Variants in ANO10 observed in about 807,000 individuals in gnomAD.
The protein encoded by ANO10 is anoctamin 10.
ANO10 carries 77 observed loss-of-function variants against 74.7 expected under a neutral mutation model. That is an observed-to-expected ratio of 1.03 (90% CI 0.86 to 1.25). The LOEUF is 1.25. Among genes scored for constraint, ANO10 ranks in the 50% most tolerant of loss-of-function variants. The pLI, the probability that ANO10 is intolerant of heterozygous loss-of-function variation, is 0.00. For missense variants in ANO10, 721 were observed against 778.1 expected (o/e 0.93, Z 0.87); for synonymous variants, 279 against 284.9 (o/e 0.98, Z 0.21).
intron 1 of ANO10, among the ~76,000 whole-genome samples, chr3:43,662,685 T>C (rs1412227917): frequency 9.2e-5 from 14 of 151,354 alleles, no homozygotes; most frequent in Non-Finnish European, 1.8e-4. Flanking sequence ...ATCAAATAGA[T>C]GCAATAAAAA....
chr3:43,585,732 G>C (rs779022999), intron 4 of ANO10, among the ~76,000 whole-genome samples: 10 of 152,142 alleles, frequency 6.6e-5, no homozygotes, highest in Non-Finnish European at 1.2e-4. Context: ...AGTCTGCTTT[G>C]TATTTTATTG....
At chr3:43,513,820 T>C (rs764087263) in intron 11 of ANO10, among the ~76,000 whole-genome samples, 3 of 151,990 alleles carry the variant, frequency 2.0e-5, no homozygotes, top group African/African-American at 4.8e-5. Flanking sequence ...CACACACTTC[T>C]ATGATTTAAA....
In ANO10 at chr3:43,501,166, T is replaced by C. The variant is rs1156953760; in HGVS notation, c.1797+48554A>G. Among the ~76,000 whole-genome samples the C allele has an allele frequency of 2.6e-5, 4 of 152,140 alleles. No homozygotes were observed. In the East Asian group the frequency reaches 7.7e-4, roughly 29 times the overall value. ...CCAGCATCTCCATCTGGTGGGAGCCTCAGGCTGCTTCCACTCATGATGGAA... is the reference window on the plus strand; with the variant it reads ...CCAGCATCTCCATCTGGTGGGAGCCCCAGGCTGCTTCCACTCATGATGGAA... On this transcript the variant is annotated intron_variant, in intron 11 of 12. Transcript: ENST00000292246.
intron 11 of ANO10, among the ~76,000 whole-genome samples, chr3:43,527,718 A>G (rs2078270135): frequency 6.6e-6 from 1 of 152,234 alleles, no homozygotes. Context: ...GTGGCAAGTC[A>G]AGTCAGACAC....
rs2092555128 is a variant in ANO10, at chr3:43,405,182, C to T, written c.1914+27429G>A. 2.6e-5 allele frequency among the ~76,000 whole-genome samples: 4 copies of T among 152,150 alleles called. 1 individual carries two copies. The South Asian group carries it at 8.3e-4, about 31-fold the overall frequency. On this transcript the variant is annotated intron_variant, in intron 12 of 12. Coordinates refer to ENST00000292246, the MANE Select transcript of ANO10 (RefSeq NM_018075.5). ...TGCCTAGCTTTTCTGGCAAATTATTCCTAGTTCTGCAGGATTTTGGTGACT... is the reference window on the plus strand; with the variant it reads ...TGCCTAGCTTTTCTGGCAAATTATTTCTAGTTCTGCAGGATTTTGGTGACT...
intron 4 of ANO10, among the ~76,000 whole-genome samples, chr3:43,582,029 C>T (rs1381929753): frequency 6.6e-6 from 1 of 152,052 alleles, no homozygotes; most frequent in African/African-American, 2.4e-5. Context: ...GGTTTATCAG[C>T]TCAAGTCTTC....
chr3:43,401,914 C>T (rs1414174855), intron 12 of ANO10, among the ~76,000 whole-genome samples: 3 of 152,200 alleles, frequency 2.0e-5, no homozygotes, highest in Non-Finnish European at 2.9e-5. Context: ...TGTAGTCACT[C>T]AAGGGAGTGG....
intron 12 of ANO10, among the ~76,000 whole-genome samples, chr3:43,403,946 C>T (rs1211925417): frequency 6.6e-6 from 1 of 152,140 alleles, no homozygotes; most frequent in Non-Finnish European, 1.5e-5. Context: ...CCCTCCCCTC[C>T]TGGAGTATAA....
rs541200901 is a variant in ANO10, at chr3:43,393,306, G to A, written c.1915-26332C>T. On this transcript the variant is annotated intron_variant, in intron 12 of 12. Transcript: ENST00000292246. ...CCCCAGAGCATGGCTCTGGAGCCTC[G>A]GAAAACCAAGATTGGTTTTGATTGA... Among the ~76,000 whole-genome samples, 188 of 152,160 alleles carry A rather than the reference G, an allele frequency of 1.2e-3. 1 individual carries two copies. The highest frequency in any genetic ancestry group is 4.0e-3 in the African/African-American group (164 of 41,496).
intron 11 of ANO10, among the ~76,000 whole-genome samples, chr3:43,471,381 C>T (rs1018520592): frequency 6.6e-6 from 1 of 152,096 alleles, no homozygotes; most frequent in African/African-American, 2.4e-5. Context: ...ATGGAATATT[C>T]CTTGCAAGTC....
Position 43,586,815 on chromosome 3 carries a change from G to C in ANO10, c.473-6343C>G, listed in dbSNP as rs2081502398. 1.3e-5 allele frequency among the ~76,000 whole-genome samples: 2 copies of C among 152,088 alleles called. 1 individual carries two copies. Among genetic ancestry groups the C allele is most frequent in the African/African-American group, 4.8e-5 (2 of 41,504 alleles). On this transcript the variant is annotated intron_variant, in intron 4 of 12. Coordinates refer to ENST00000292246, the MANE Select transcript of ANO10 (RefSeq NM_018075.5). ...GAGAGAGCTCAGAGAAGCAATGCAA[G>C]AGAAAAATAAATCTGTTACAGATTC...
At position 43,614,771 on chromosome 3, in the gene ANO10, CTATATATATATATATA is replaced by C. The variant is rs61084802; in HGVS notation, c.-12+7122_-12+7137del. Among the ~76,000 whole-genome samples, 12 of 52,700 alleles carry C rather than the reference CTATATATATATATATA, an allele frequency of 2.3e-4. 3 individuals are homozygous for C. Among genetic ancestry groups the C allele is most frequent in the South Asian group, 1.1e-3 (1 of 938 alleles). The allele number at this position is 52,700 out of a possible 152,430, so 34.6% of individuals were successfully genotyped here. On this transcript the variant is annotated intron_variant, in intron 1 of 12. Coordinates refer to ENST00000292246, the MANE Select transcript of ANO10 (RefSeq NM_018075.5). ...CCCAAATTCTTAGAAGAAAACTAAA[CTATATATATATATATA>C]TATATATATATATATAGGTTCATTA...
chr3:43,571,269 C>T (rs1238251023), intron 7 of ANO10, among the ~76,000 whole-genome samples: 1 of 152,100 alleles, frequency 6.6e-6, no homozygotes, highest in African/African-American at 2.4e-5. Context: ...TTGTGGAAGT[C>T]AGTGTGGCGA....
intron 1 of ANO10, among the ~76,000 whole-genome samples, chr3:43,632,872 GT>G (rs1284936283): frequency 7.9e-5 from 12 of 152,148 alleles, no homozygotes; most frequent in Admixed American, 7.9e-4. Context: ...TTAGCTTCTA[GT>G]AGGCAATGAA....
Position 43,605,722 on chromosome 3 carries a change from T to A in ANO10, c.131A>T (p.Lys44Ile), listed in dbSNP as rs1204374184. The A allele has an allele frequency of 6.2e-7, 1 of 1,612,988 alleles. No homozygotes were observed. The highest frequency in any genetic ancestry group is 1.1e-5 in the South Asian group (1 of 91,056). The change falls in exon 2 of 13, where the codon AAA becomes ATA. Residue 44 changes from lysine to isoleucine, a missense_variant. Transcript: ENST00000292246. ...WLKNRIIAKK[K>I]DGGAQLLFRP... is the part of the protein sequence containing the mutation. ...GTGACTATTTTACTCACCTCCATCT[T>A]TTTTTTTAGCTATAATTCTGTTTTT... is the stretch of plus-strand genomic sequence containing the variant.
intron 7 of ANO10, among the ~76,000 whole-genome samples, chr3:43,570,307 T>G (rs1392885326): frequency 3.3e-5 from 5 of 149,820 alleles, no homozygotes; most frequent in African/African-American, 7.4e-5. Flanking sequence ...TACCAATGAC[T>G]TTCTTCACAG....
intron 1 of ANO10, among the ~76,000 whole-genome samples, chr3:43,618,895 G>A (rs1353999741): frequency 1.3e-5 from 2 of 151,936 alleles, no homozygotes; most frequent in Non-Finnish European, 1.5e-5. Context: ...TCCGCCTCCC[G>A]GGTTCACGCC....
intron 11 of ANO10, among the ~76,000 whole-genome samples, chr3:43,512,386 T>C (rs1198018341): frequency 6.6e-6 from 1 of 152,212 alleles, no homozygotes; most frequent in African/African-American, 2.4e-5. Flanking sequence ...CACTATTCTG[T>C]GCATTATTTT....
chr3:43,576,267 A>C (rs573202026), intron 6 of ANO10, among the ~76,000 whole-genome samples: 1 of 152,076 alleles, frequency 6.6e-6, no homozygotes, highest in South Asian at 2.1e-4. Flanking sequence ...AATCTATTTT[A>C]CCCTCGGCAT....
Sources: gnomAD v4.1 joint callset for allele counts (sites outside exome capture counted in the v4.1 genomes callset) on GRCh38, gnomAD v4.1.1 for gene constraint, MANE v1.5 for transcripts, NCBI Gene and HGNC (gene_info 2026-07-23, HGNC 2026-07-21) for gene names.